SLC35F3: variants seen among roughly 807,000 people sequenced by gnomAD.
SLC35F3 encodes putative thiamine transporter SLC35F3.
Under a neutral mutation model 49.9 loss-of-function variants are expected in SLC35F3, and 25 were observed. The observed-to-expected ratio is 0.50, with a 90% CI of 0.37 to 0.70. SLC35F3 has a LOEUF of 0.70. Ranked by LOEUF, SLC35F3 falls within the 30% of genes least tolerant of loss-of-function variation. The probability of loss-of-function intolerance (pLI) is 0.00; values close to 1 mark genes in which losing one functional copy is unlikely to be tolerated. For missense variants in SLC35F3, 525 were observed against 639.8 expected, an observed-to-expected ratio of 0.82 and a Z score of 1.94; for synonymous variants, 275 against 265.4, an observed-to-expected ratio of 1.04 and a Z score of -0.35.
intron 2 of SLC35F3, among the ~76,000 whole-genome samples, chr1:233,983,281 A>G (rs572167345): frequency 1.1e-4 from 17 of 152,306 alleles, no homozygotes; most frequent in African/African-American, 3.6e-4. Flanking sequence ...AAGCCAAAAG[A>G]AGGACTATTT....
In SLC35F3 at chr1:234,214,243, G is replaced by C; in HGVS notation, c.284-17174G>C. On this transcript the variant is annotated intron_variant, in intron 2 of 7. Coordinates refer to ENST00000366618, the MANE Select transcript of SLC35F3 (RefSeq NM_173508.4). The surrounding 1 kb of genome is among the most constrained non-coding windows in gnomAD (Gnocchi z 8.0). ...TGGAGTTTGCAGCAACCTCCAAGTA[G>C]GAGGCTGTGCGCGCGTGTGTGTGGA... 8.1e-7 allele frequency: 1 copy of C among 1,238,818 alleles called. No homozygotes were observed. The highest frequency in any genetic ancestry group is 1.0e-6 in the Non-Finnish European group (1 of 992,112). 76.7% of individuals were successfully genotyped at this position (1,238,818 alleles called of 1,614,324 possible). A position where few individuals can be genotyped will look rare whatever the true frequency, so the allele number is the denominator to read the frequency against.
chr1:234,056,981 T>A (rs1237524635), intron 2 of SLC35F3, among the ~76,000 whole-genome samples: 4 of 152,220 alleles, frequency 2.6e-5, no homozygotes, highest in African/African-American at 9.6e-5. Flanking sequence ...GATGTATGGG[T>A]TTATGTCTGG....
intron 2 of SLC35F3, among the ~76,000 whole-genome samples, chr1:233,964,085 G>A (rs998099972): frequency 6.6e-6 from 1 of 152,160 alleles, no homozygotes; most frequent in Non-Finnish European, 1.5e-5. Flanking sequence ...TTGTCATTGG[G>A]ACCTCCTAAT....
intron 2 of SLC35F3, among the ~76,000 whole-genome samples, chr1:234,081,904 A>ATT (rs781469880): frequency 0.073 from 2,844 of 39,184 alleles, 705 homozygotes; most frequent in East Asian, 0.22. Context: ...TGCCTGGCTA[A>ATT]TTTTTTTTTT....
chr1:234,312,046 T>A (rs1657368756), intron 4 of SLC35F3, among the ~76,000 whole-genome samples: 1 of 152,206 alleles, frequency 6.6e-6, no homozygotes, highest in South Asian at 2.1e-4. Context: ...CCTTCTCAAT[T>A]GGAGGGGGTT....
chr1:234,243,262 C>T (rs976818023), intron 3 of SLC35F3, among the ~76,000 whole-genome samples: 4 of 151,894 alleles, frequency 2.6e-5, no homozygotes, highest in Admixed American at 6.6e-5. Flanking sequence ...GGTTGAGGCA[C>T]GAGAATCACT....
At chr1:233,973,447 T>C (rs1372048758) in intron 2 of SLC35F3, among the ~76,000 whole-genome samples, 2 of 152,228 alleles carry the variant, frequency 1.3e-5, no homozygotes, top group African/African-American at 4.8e-5. Context: ...AAATGGAGTC[T>C]GATGGCATTG....
intron 2 of SLC35F3, among the ~76,000 whole-genome samples, chr1:234,130,950 A>G (rs907619732): frequency 2.6e-5 from 4 of 152,066 alleles, no homozygotes; most frequent in Non-Finnish European, 5.9e-5. Context: ...AAAAATTTAT[A>G]TATTCAGACA....
intron 3 of SLC35F3, among the ~76,000 whole-genome samples, chr1:234,250,614 A>C (rs1218205220): frequency 6.8e-6 from 1 of 146,294 alleles, no homozygotes; most frequent in Non-Finnish European, 1.5e-5. Context: ...AGATCCCGCC[A>C]CTGCACTCCA....
chr1:233,905,144 C>G lies in SLC35F3; in HGVS notation c.53+14C>G, dbSNP rs532979587. ...GAGCATTGCCGTGTGAGTAGCGCCC[C>G]GGGCGTGGGTGAGCGAGCCGGCGGG... On this transcript the variant is annotated intron_variant, in intron 1 of 7. Coordinates refer to ENST00000366618, the MANE Select transcript of SLC35F3 (RefSeq NM_173508.4). The G allele has an allele frequency of 2.6e-6, 4 of 1,552,232 alleles. No homozygotes were observed. The highest frequency in any genetic ancestry group is 3.5e-6 in the Non-Finnish European group (4 of 1,147,168).
chr1:234,144,776 C>A (rs986407278), intron 2 of SLC35F3, among the ~76,000 whole-genome samples: 11 of 151,966 alleles, frequency 7.2e-5, no homozygotes, highest in Non-Finnish European at 1.5e-5. Context: ...GGATGAGACT[C>A]GTGTGAAAAC....
chr1:234,007,972 A>G (rs1663657017), intron 2 of SLC35F3, among the ~76,000 whole-genome samples: 1 of 152,170 alleles, frequency 6.6e-6, no homozygotes, highest in South Asian at 2.1e-4. Context: ...TAAATAGATG[A>G]ATGCATTTAA....
chr1:234,316,942 T>C (rs1657504082), intron 5 of SLC35F3, among the ~76,000 whole-genome samples: 1 of 152,214 alleles, frequency 6.6e-6, no homozygotes, highest in Admixed American at 6.5e-5. Context: ...TGGCTTTGGC[T>C]CTCTGGGCCT....
intron 2 of SLC35F3, among the ~76,000 whole-genome samples, chr1:234,074,378 C>G (rs904737579): frequency 2.0e-5 from 3 of 152,146 alleles, no homozygotes; most frequent in Admixed American, 1.3e-4. Flanking sequence ...AGCAGCTGCC[C>G]TAAAGGAGTA....
intron 2 of SLC35F3, among the ~76,000 whole-genome samples, chr1:233,990,866 G>T (rs367718660): frequency 1.1e-4 from 16 of 152,248 alleles, no homozygotes; most frequent in African/African-American, 3.9e-4. Context: ...AAAATAATTG[G>T]CATCTGTTGT....
chr1:234,081,764 G>A (rs1045518844), intron 2 of SLC35F3, among the ~76,000 whole-genome samples: 6 of 151,458 alleles, frequency 4.0e-5, no homozygotes, highest in Non-Finnish European at 8.8e-5. Context: ...TTGACACAGA[G>A]TCTCACTCTG....
intron 3 of SLC35F3, among the ~76,000 whole-genome samples, chr1:234,254,768 A>G (rs533420588): frequency 6.6e-6 from 1 of 152,372 alleles, no homozygotes; most frequent in Non-Finnish European, 1.5e-5. Context: ...ATTATTAACC[A>G]GTTTGTAAGC....
chr1:233,959,686 A>G (rs963373812), intron 2 of SLC35F3, among the ~76,000 whole-genome samples: 3 of 152,204 alleles, frequency 2.0e-5, no homozygotes, highest in African/African-American at 7.2e-5. Context: ...GACCTCAGCC[A>G]TGGATCTTTC....
intron 2 of SLC35F3, among the ~76,000 whole-genome samples, chr1:234,099,744 G>A (rs1436870164): frequency 6.6e-6 from 1 of 152,048 alleles, no homozygotes; most frequent in Non-Finnish European, 1.5e-5. Flanking sequence ...TCTTCTCTCA[G>A]TGTGATGCAC....
Sources: allele counts gnomAD v4.1 joint callset (sites outside exome capture counted in the v4.1 genomes callset), GRCh38; gene constraint gnomAD v4.1.1; non-coding constraint Gnocchi (gnomAD v3.1); transcripts MANE v1.5; gene names NCBI Gene and HGNC (gene_info 2026-07-23, HGNC 2026-07-21).